The following WDR64 variants were observed in gnomAD, a reference collection of about 807,000 sequenced individuals.
WDR64 encodes WD repeat-containing protein 64.
Under a neutral mutation model 139.3 loss-of-function variants are expected in WDR64, and 112 were observed. That is an observed-to-expected ratio of 0.80 (90% CI 0.69 to 0.94). The LOEUF (loss-of-function observed/expected upper bound fraction) is 0.94. WDR64 is among the 40% of genes least tolerant of loss of function. The pLI, the probability that WDR64 is intolerant of heterozygous loss-of-function variation, is 0.00. For synonymous variants in WDR64, 444 were observed against 437.7 expected (o/e 1.01, Z -0.18); for missense variants, 1,206 against 1,293.1 (o/e 0.93, Z 1.03).
intron 2 of WDR64, among the ~76,000 whole-genome samples, chr1:241,665,304 C>G (rs940479211): frequency 1.3e-5 from 2 of 152,178 alleles, no homozygotes; most frequent in Non-Finnish European, 2.9e-5. Context: ...ATTTCTATTT[C>G]AAGCCATGTG....
chr1:241,723,144 C>G (rs767994216), intron 9 of WDR64, among the ~76,000 whole-genome samples, 153 bp from the exon 10 acceptor site: 2 of 152,162 alleles, frequency 1.3e-5, no homozygotes, highest in Non-Finnish European at 2.9e-5. Flanking sequence ...AAGGCCAGCC[C>G]CTTAGCACAT....
At chr1:241,794,673 T>C (rs1355572489) in intron 25 of WDR64, among the ~76,000 whole-genome samples, 2 of 151,968 alleles carry the variant, frequency 1.3e-5, no homozygotes, top group Non-Finnish European at 2.9e-5. Flanking sequence ...CACGCCCAGC[T>C]AATTTTTATA....
chr1:241,744,304 T>C, intron 12 of WDR64, 89 bp from the exon 13 acceptor site: 4 of 1,526,392 alleles, frequency 2.6e-6, no homozygotes, highest in South Asian at 1.2e-5. Flanking sequence ...AGTTCCATTT[T>C]TGAGGCTGTT....
At chr1:241,696,960 C>A (rs1270001742) in intron 8 of WDR64, among the ~76,000 whole-genome samples, 4 of 152,134 alleles carry the variant, frequency 2.6e-5, no homozygotes, top group Non-Finnish European at 5.9e-5. Flanking sequence ...CCTCTGACAC[C>A]TTGATCTCTT....
At chr1:241,666,501 C>T (rs574508633) in intron 2 of WDR64, among the ~76,000 whole-genome samples, 6 of 152,148 alleles carry the variant, frequency 3.9e-5, no homozygotes, top group African/African-American at 1.4e-4. Context: ...TTATTATTGT[C>T]GTAAGAGCAT....
At chr1:241,748,068 C>T (rs890811164) in intron 13 of WDR64, among the ~76,000 whole-genome samples, 2 of 152,150 alleles carry the variant, frequency 1.3e-5, no homozygotes, top group Non-Finnish European at 2.9e-5. Context: ...GGGAGAGGAA[C>T]AGCCAACACT....
At chr1:241,788,918 G>C (rs1659133536) in intron 24 of WDR64, among the ~76,000 whole-genome samples, 1 of 151,988 alleles carries the variant, frequency 6.6e-6, no homozygotes, top group African/African-American at 2.4e-5. Flanking sequence ...TTTTACTTTG[G>C]GCAATTGCTT....
At chr1:241,760,301 C>T (rs1670375185) in intron 15 of WDR64, among the ~76,000 whole-genome samples, 1 of 151,312 alleles carries the variant, frequency 6.6e-6, no homozygotes, top group African/African-American at 2.4e-5. Flanking sequence ...TAATCTTTTC[C>T]AATTAAAAGT....
At chr1:241,654,662 C>T (rs769157884) in intron 1 of WDR64, among the ~76,000 whole-genome samples, 1 of 150,944 alleles carries the variant, frequency 6.6e-6, no homozygotes, top group Non-Finnish European at 1.5e-5. Context: ...AGCCAGATAT[C>T]TTGGTATAGG....
chr1:241,699,900 T>A (rs1021559832), intron 8 of WDR64, among the ~76,000 whole-genome samples: 1 of 152,002 alleles, frequency 6.6e-6, no homozygotes, highest in Non-Finnish European at 1.5e-5. Context: ...TCGGAAGCCA[T>A]CGAATGCTTT....
intron 26 of WDR64, 119 bp downstream of exon 26, chr1:241,795,406 G>C: frequency 2.3e-6 from 2 of 871,344 alleles, no homozygotes; most frequent in Non-Finnish European, 3.6e-6. Context: ...TTGGACCGTT[G>C]CTTCCAAAAA....
At chr1:241,706,098 C>T (rs1667943808) in intron 8 of WDR64, among the ~76,000 whole-genome samples, 1 of 152,116 alleles carries the variant, frequency 6.6e-6, no homozygotes. Context: ...GTCCTATGAC[C>T]CTAAGCTTTT....
chr1:241,706,242 G>T (rs992465150), intron 8 of WDR64, among the ~76,000 whole-genome samples: 6 of 152,378 alleles, frequency 3.9e-5, no homozygotes, highest in Admixed American at 6.5e-5. Context: ...CCACAGAGTG[G>T]CAAGGCTGCA....
At chr1:241,751,787 C>T (rs1669989837) in intron 14 of WDR64, among the ~76,000 whole-genome samples, 1 of 152,138 alleles carries the variant, frequency 6.6e-6, no homozygotes, top group African/African-American at 2.4e-5. Flanking sequence ...AGAGGGCAGA[C>T]CGTAAATTGA....
At position 241,741,601 on chromosome 1, in the gene WDR64, T is replaced by C. The variant is rs1669543431; in HGVS notation, c.1407T>C (p.Asn469=). The change falls in exon 12 of 28, where the codon AAT becomes AAC. Residue 469 remains asparagine (N), a synonymous_variant. Coordinates refer to ENST00000437684, the MANE Select transcript of WDR64 (RefSeq NM_001367482.1). The stretch of plus-strand genomic sequence containing the variant: ...CTCACACTCATGAACGAGAAATCAA[T>C]GTCATGCTTTACAACAAATATTTTC... The part of the protein sequence containing the change: ...QVPHTHEREI[N]VMLYNKYFHQ... The C allele has an allele frequency of 6.2e-7, 1 of 1,613,428 alleles. No individual in the cohort carries two copies. The highest frequency in any genetic ancestry group is 1.3e-5 in the African/African-American group (1 of 74,922).
At chr1:241,684,214 A>G (rs1666923014) in intron 7 of WDR64, among the ~76,000 whole-genome samples, 1 of 152,230 alleles carries the variant, frequency 6.6e-6, no homozygotes, top group African/African-American at 2.4e-5. Context: ...GACAAATATG[A>G]CAGACAATGG....
intron 16 of WDR64, among the ~76,000 whole-genome samples, chr1:241,767,801 T>C (rs1452566302): frequency 2.6e-5 from 4 of 152,170 alleles, no homozygotes; most frequent in Non-Finnish European, 5.9e-5. Flanking sequence ...TTAATTGAAA[T>C]AGCTGTTTCT....
chr1:241,778,173 A>G (rs1310866837), intron 21 of WDR64, among the ~76,000 whole-genome samples: 2 of 152,076 alleles, frequency 1.3e-5, no homozygotes, highest in African/African-American at 4.8e-5. Context: ...AAGTATTTTG[A>G]TATCTGTTAT....
intron 1 of WDR64, among the ~76,000 whole-genome samples, chr1:241,653,125 T>C (rs1455699925): frequency 6.6e-6 from 1 of 152,246 alleles, no homozygotes; most frequent in Non-Finnish European, 1.5e-5. Context: ...AAGGAGAATA[T>C]GGTGGACAGT....
Sources: allele counts gnomAD v4.1 joint callset (sites outside exome capture counted in the v4.1 genomes callset), GRCh38; gene constraint gnomAD v4.1.1; transcripts MANE v1.5; gene names NCBI Gene and HGNC (gene_info 2026-07-23, HGNC 2026-07-21).